Variants in BTBD8 observed in about 807,000 individuals in gnomAD.
The protein encoded by BTBD8 is BTB domain containing 8.
In BTBD8, 110 loss-of-function variants were observed where a neutral mutation model predicts 162.9. That is an observed-to-expected ratio of 0.68 (90% CI 0.58 to 0.79). BTBD8 has a LOEUF of 0.79. Ranked by LOEUF, BTBD8 falls within the 30% of genes least tolerant of loss-of-function variation. The pLI is 0.00. For synonymous variants in BTBD8, 667 were observed against 716.1 expected (o/e 0.93, Z 1.10); for missense variants, 1,905 against 2,085.4 (o/e 0.91, Z 1.68).
At chr1:92,090,019 C>A (rs992153118) in intron 2 of BTBD8, among the ~76,000 whole-genome samples, 3 of 152,074 alleles carry the variant, frequency 2.0e-5, no homozygotes, top group African/African-American at 7.2e-5. Flanking sequence ...TATGGCTATT[C>A]CATATTTTGT....
intron 2 of BTBD8, among the ~76,000 whole-genome samples, chr1:92,100,435 G>A (rs1293896510): frequency 6.6e-6 from 1 of 151,954 alleles, no homozygotes; most frequent in Admixed American, 6.6e-5. Context: ...TACCAGTCAA[G>A]CTATCTGGTT....
At chr1:92,112,724 A>G (rs1465343637) in intron 4 of BTBD8, among the ~76,000 whole-genome samples, 1 of 152,186 alleles carries the variant, frequency 6.6e-6, no homozygotes, top group Non-Finnish European at 1.5e-5. Flanking sequence ...TTCTCAAGAG[A>G]AGGTTAACTT....
intron 4 of BTBD8, among the ~76,000 whole-genome samples, chr1:92,119,384 C>T (rs112345433): frequency 0.014 from 2,171 of 150,122 alleles, 89 homozygotes; most frequent in African/African-American, 0.051. Flanking sequence ...CTCTCTAGCT[C>T]CAGTGATCCT....
chr1:92,176,521 CTTTA>C (rs1309315587), intron 13 of BTBD8, among the ~76,000 whole-genome samples: 2 of 152,184 alleles, frequency 1.3e-5, no homozygotes, highest in Non-Finnish European at 2.9e-5. Flanking sequence ...CATCCTGAAT[CTTTA>C]TAGACATTAA....
intron 9 of BTBD8, among the ~76,000 whole-genome samples, chr1:92,152,798 A>G (rs756249800): frequency 6.6e-6 from 1 of 152,138 alleles, no homozygotes; most frequent in Non-Finnish European, 1.5e-5. Flanking sequence ...TGTGGTGAAT[A>G]CTTGACATTT....
chr1:92,178,530 T>G, intron 16 of BTBD8, 79 bp downstream of exon 16: 4 of 1,151,866 alleles, frequency 3.5e-6, no homozygotes, highest in South Asian at 1.7e-5. Context: ...ATTTGCAACT[T>G]CAGTAGCAAA....
chr1:92,105,611 GTCACCAGTGACTGATCT>G (rs934091291), intron 3 of BTBD8, among the ~76,000 whole-genome samples: 43 of 152,336 alleles, frequency 2.8e-4, no homozygotes, highest in African/African-American at 9.4e-4. Flanking sequence ...GTGGGACTCT[GTCACCAGTGACTGATCT>G]TCACCAGAGC....
chr1:92,155,931 A>G (rs1276581744), intron 9 of BTBD8, among the ~76,000 whole-genome samples: 1 of 152,102 alleles, frequency 6.6e-6, no homozygotes, highest in Non-Finnish European at 1.5e-5. Flanking sequence ...TTTCTTCTTC[A>G]TACCTGATTG....
chr1:92,148,701 T>C (rs1044939608), intron 9 of BTBD8, among the ~76,000 whole-genome samples: 2 of 152,236 alleles, frequency 1.3e-5, no homozygotes, highest in African/African-American at 2.4e-5. Context: ...CTCACAACTT[T>C]AGGCTCTGCT....
chr1:92,131,711 G>A (rs1196313763), intron 5 of BTBD8, among the ~76,000 whole-genome samples: 2 of 148,360 alleles, frequency 1.3e-5, no homozygotes, highest in Non-Finnish European at 3.0e-5. Context: ...GCGACAGAGC[G>A]AGACTCTGTC....
chr1:92,162,594 A>T (rs968706017), intron 9 of BTBD8, among the ~76,000 whole-genome samples: 1 of 152,244 alleles, frequency 6.6e-6, no homozygotes, highest in African/African-American at 2.4e-5. Flanking sequence ...GGGAGGATAC[A>T]GAGATTGTGT....
At chr1:92,087,139 G>T (rs1648183220) in intron 1 of BTBD8, among the ~76,000 whole-genome samples, 1 of 151,978 alleles carries the variant, frequency 6.6e-6, no homozygotes. Flanking sequence ...GATAAAAATG[G>T]TTCTATCAAA....
Position 92,180,861 on chromosome 1 carries a change from A to G in BTBD8, c.3178A>G (p.Lys1060Glu), listed in dbSNP as rs1233618093. 3.9e-6 allele frequency: 6 copies of G among 1,551,606 alleles called. No homozygotes were observed. Among genetic ancestry groups the G allele is most frequent in the Non-Finnish European group, 5.2e-6 (6 of 1,146,970 alleles). The part of the protein sequence containing the change: ...DKSETKFPNH[K>E]ETDDCDAANI... ...AAGTGAAACAAAATTTCCCAATCAC[A>G]AAGAAACAGATGATTGCGATGCAGC... Residue 1060 changes from lysine (K) to glutamate (E), a missense_variant, in exon 17 of 18, where the codon AAA becomes GAA. This residue lies in a region of BTBD8 where 1,374 missense variants were observed against 1,442.7 expected (regional missense o/e 0.95). Coordinates refer to ENST00000636805, the MANE Select transcript of BTBD8 (RefSeq NM_001376131.1).
At chr1:92,105,896 T>C (rs899823752) in intron 3 of BTBD8, among the ~76,000 whole-genome samples, 3 of 152,208 alleles carry the variant, frequency 2.0e-5, no homozygotes, top group Admixed American at 6.5e-5. Flanking sequence ...GGCCAGATAA[T>C]TTGGCTGCCT....
At chr1:92,101,481 A>ACACT (rs1648589244) in intron 2 of BTBD8, among the ~76,000 whole-genome samples, 1 of 152,124 alleles carries the variant, frequency 6.6e-6, no homozygotes, top group Non-Finnish European at 1.5e-5. Flanking sequence ...TCCCGCAGGC[A>ACACT]CACTACTCAC....
At chr1:92,106,954 G>GC (rs1412885237) in intron 3 of BTBD8, among the ~76,000 whole-genome samples, 8 of 151,976 alleles carry the variant, frequency 5.3e-5, no homozygotes, top group African/African-American at 1.9e-4. Flanking sequence ...TACACCTGTA[G>GC]CCCCAGGTAC....
At chr1:92,166,907 T>C (rs1393405001) in intron 9 of BTBD8, 51 bp from the exon 10 acceptor site, 3 of 1,472,968 alleles carry the variant, frequency 2.0e-6, no homozygotes, top group Non-Finnish European at 2.7e-6. Flanking sequence ...TAGAGAGTTA[T>C]TTTATTAGCA....
At chr1:92,146,656 GTC>G (rs1168681143) in intron 7 of BTBD8, among the ~76,000 whole-genome samples, 1 of 152,058 alleles carries the variant, frequency 6.6e-6, no homozygotes, top group Non-Finnish European at 1.5e-5. Flanking sequence ...CCTTTTTACT[GTC>G]TCTGTAGTTT....
intron 1 of BTBD8, 41 bp downstream of exon 1, chr1:92,080,761 TCGCCCA>T: frequency 6.3e-7 from 1 of 1,579,356 alleles, no homozygotes; most frequent in Non-Finnish European, 8.6e-7. Flanking sequence ...AGTTCCTAAA[TCGCCCA>T]CCTCCGCCCC....
Sources: allele counts gnomAD v4.1 joint callset (sites outside exome capture counted in the v4.1 genomes callset), GRCh38; gene constraint gnomAD v4.1.1; regional missense constraint gnomAD v4.1.1; transcripts MANE v1.5; gene names NCBI Gene and HGNC (gene_info 2026-07-23, HGNC 2026-07-21).